RABGAP1L: variants seen among roughly 807,000 people sequenced by gnomAD.
RABGAP1L encodes the protein RAB GTPase activating protein 1 like, also known as rab GTPase-activating protein 1-like.
In RABGAP1L, 63 loss-of-function variants were observed where a neutral mutation model predicts 137.7. That is an observed-to-expected ratio of 0.46 (90% CI 0.37 to 0.56). RABGAP1L has a LOEUF of 0.56. RABGAP1L is among the 20% of genes least tolerant of loss of function. The pLI, the probability that RABGAP1L is intolerant of heterozygous loss-of-function variation, is 0.00. For missense variants in RABGAP1L, 1,095 were observed against 1,244.0 expected (o/e 0.88, Z 1.80); for synonymous variants, 431 against 433.7 (o/e 0.99, Z 0.08).
rs193138716 is a variant in RABGAP1L, at chr1:174,571,375, T to C, written c.1711-66000T>C. Among the ~76,000 whole-genome samples, 424 of 152,212 alleles carry C rather than the reference T, an allele frequency of 2.8e-3. 4 individuals carry two copies. Among genetic ancestry groups the C allele is most frequent in the African/African-American group, 9.7e-3 (401 of 41,540 alleles). ...GTATTTGAGAGCACCACAGACACTA[T>C]AGTCAATAATAATTTAATTGTACAC... On this transcript the variant is annotated intron_variant, in intron 13 of 25. Transcript: ENST00000681986.
intron 21 of RABGAP1L, 63 bp from the exon 22 acceptor site, chr1:174,976,015 C>T: frequency 7.1e-7 from 1 of 1,406,948 alleles, no homozygotes; most frequent in Non-Finnish European, 9.8e-7. Flanking sequence ...AGAAGATTTC[C>T]ACACACTTTC....
chr1:174,602,706 C>G (rs1020322513), intron 13 of RABGAP1L, among the ~76,000 whole-genome samples: 4 of 152,096 alleles, frequency 2.6e-5, no homozygotes, highest in African/African-American at 9.7e-5. Flanking sequence ...CTTTCTTCTT[C>G]TTGATCAGTT....
chr1:174,569,642 T>A (rs1667837948), intron 13 of RABGAP1L, among the ~76,000 whole-genome samples: 2 of 152,148 alleles, frequency 1.3e-5, no homozygotes, highest in Non-Finnish European at 2.9e-5. Flanking sequence ...TGCCCAACAG[T>A]TTTTATAAGG....
chr1:174,487,589 G>T (rs985707464), intron 13 of RABGAP1L, among the ~76,000 whole-genome samples: 1 of 152,038 alleles, frequency 6.6e-6, no homozygotes, highest in African/African-American at 2.4e-5. Context: ...GCCACTTTGT[G>T]TCTTTTTATT....
At chr1:174,417,877 G>A (rs58679134) in intron 13 of RABGAP1L, among the ~76,000 whole-genome samples, 84 of 152,242 alleles carry the variant, frequency 5.5e-4, no homozygotes, top group African/African-American at 1.8e-3. Context: ...AAATAGAAAC[G>A]GGAGTTACTA....
rs544096448 is a variant in RABGAP1L, at chr1:174,589,344, G to A, written c.1711-48031G>A. Reference sequence around the variant, plus strand: ...GTTGTTGGAGCTCCTTATATATTCCGGTTGTTCATCATTTGTCAGATGAAG... The same window carrying A: ...GTTGTTGGAGCTCCTTATATATTCCAGTTGTTCATCATTTGTCAGATGAAG... On this transcript the variant is annotated intron_variant, in intron 13 of 25. Coordinates refer to ENST00000681986, the MANE Select transcript of RABGAP1L (RefSeq NM_001366446.1). Among the ~76,000 whole-genome samples, 37 of 151,880 alleles carry A rather than the reference G, an allele frequency of 2.4e-4. No individual in the cohort carries two copies. The East Asian group carries it at 5.4e-3, about 22-fold the overall frequency.
rs572463559 is a variant in RABGAP1L at position 174,360,984 on chromosome 1, G to A, written c.1466-9995G>A. On this transcript the variant is annotated intron_variant, in intron 11 of 25. Coordinates refer to ENST00000681986, the MANE Select transcript of RABGAP1L (RefSeq NM_001366446.1). ...ATCCTGGCTAACACGGTGAAACGCC[G>A]TCTCTACTAAAAAATACAAAAAATT... 7.6e-4 allele frequency among the ~76,000 whole-genome samples: 115 copies of A among 152,210 alleles called. 2 individuals are homozygous for A. The South Asian group carries it at 0.021, about 28-fold the overall frequency.
At chr1:174,766,541 T>C (rs7548559) in intron 18 of RABGAP1L, among the ~76,000 whole-genome samples, 3,017 of 152,354 alleles carry the variant, frequency 0.02, 112 homozygotes, top group African/African-American at 0.07. Flanking sequence ...TCCAGTTTTG[T>C]TCTTCTCTTT....
chr1:174,315,886 A>T (rs993642207), intron 11 of RABGAP1L, among the ~76,000 whole-genome samples: 1 of 151,904 alleles, frequency 6.6e-6, no homozygotes, highest in Non-Finnish European at 1.5e-5. Context: ...CGCACCTTTG[A>T]GCCTTTTTAA....
At chr1:174,296,355 A>G (rs1415116891) in intron 10 of RABGAP1L, among the ~76,000 whole-genome samples, 1 of 152,176 alleles carries the variant, frequency 6.6e-6, no homozygotes, top group African/African-American at 2.4e-5. Context: ...AATCCAAAGT[A>G]TTAGGATAGA....
chr1:174,183,844 A>G (rs1666582278), intron 1 of RABGAP1L, among the ~76,000 whole-genome samples: 1 of 151,102 alleles, frequency 6.6e-6, no homozygotes, highest in African/African-American at 2.4e-5. Context: ...TGAGTCACAG[A>G]ATATACAGCC....
At chr1:174,491,075 G>A (rs767466572) in intron 13 of RABGAP1L, among the ~76,000 whole-genome samples, 20 of 151,996 alleles carry the variant, frequency 1.3e-4, no homozygotes, top group Non-Finnish European at 2.8e-4. Context: ...CTGTGGCCTA[G>A]CTGGTACCTA....
chr1:174,614,040 G>A (rs1671539104), intron 13 of RABGAP1L, among the ~76,000 whole-genome samples: 1 of 152,152 alleles, frequency 6.6e-6, no homozygotes, highest in Admixed American at 6.5e-5. Flanking sequence ...TTTAATTGGA[G>A]CATTTATTCC....
At chr1:174,881,483 T>C (rs1237888451) in intron 19 of RABGAP1L, among the ~76,000 whole-genome samples, 1 of 147,048 alleles carries the variant, frequency 6.8e-6, no homozygotes, top group African/African-American at 2.5e-5. Flanking sequence ...TAAAAATATA[T>C]ATCATTTGCT....
At chr1:174,615,909 G>A (rs568384349) in intron 13 of RABGAP1L, among the ~76,000 whole-genome samples, 10 of 152,312 alleles carry the variant, frequency 6.6e-5, no homozygotes, top group Non-Finnish European at 1.0e-4. Context: ...CTCCTGGTGC[G>A]CCGTTTTTTA....
chr1:174,874,395 T>A, intron 19 of RABGAP1L: 4 of 887,662 alleles, frequency 4.5e-6, no homozygotes, highest in Non-Finnish European at 5.4e-6. Context: ...CGAAGTTAAA[T>A]GACTTGCCCG....
intron 13 of RABGAP1L, among the ~76,000 whole-genome samples, chr1:174,438,742 GTGTATATATATA>G (rs1653748273): frequency 1.5e-5 from 1 of 65,802 alleles, no homozygotes. Flanking sequence ...AAGTGTGTGT[GTGTATATATATA>G]TATATATATA....
chr1:174,423,919 GA>G (rs1175711124), intron 13 of RABGAP1L, among the ~76,000 whole-genome samples: 5 of 151,778 alleles, frequency 3.3e-5, no homozygotes, highest in African/African-American at 1.2e-4. Flanking sequence ...TAGAAACAGA[GA>G]AAAAAAATAT....
chr1:174,481,289 G>T (rs1332052042), intron 13 of RABGAP1L, among the ~76,000 whole-genome samples: 1 of 152,146 alleles, frequency 6.6e-6, no homozygotes, highest in African/African-American at 2.4e-5. Context: ...CTTCATCTAT[G>T]CCACAGTTGA....
Sources: gnomAD v4.1 joint callset for allele counts (sites outside exome capture counted in the v4.1 genomes callset) on GRCh38, gnomAD v4.1.1 for gene constraint, MANE v1.5 for transcripts, NCBI Gene and HGNC (gene_info 2026-07-23, HGNC 2026-07-21) for gene names.